CHD1L: variants seen among roughly 807,000 people sequenced by gnomAD.
CHD1L encodes the protein ATP-dependent chromatin remodeler CHD1L.
CHD1L carries 118 observed loss-of-function variants against 115.9 expected under a neutral mutation model. The ratio of observed to expected loss-of-function variants is 1.02; its 90% CI spans 0.88 to 1.19. The LOEUF (loss-of-function observed/expected upper bound fraction) is 1.19. Among genes scored for constraint, CHD1L ranks in the 50% most tolerant of loss-of-function variants. The probability of loss-of-function intolerance (pLI) is 0.00; values close to 1 mark genes in which losing one functional copy is unlikely to be tolerated. For missense variants in CHD1L, 1,179 were observed against 1,065.3 expected, an observed-to-expected ratio of 1.11 and a Z score of -1.49; for synonymous variants, 411 against 387.1, an observed-to-expected ratio of 1.06 and a Z score of -0.72.
chr1:147,285,976 C>T (rs1485554629), intron 17 of CHD1L, among the ~76,000 whole-genome samples: 2 of 152,094 alleles, frequency 1.3e-5, no homozygotes, highest in African/African-American at 4.8e-5. Flanking sequence ...GGATTACAGG[C>T]GTGAGCTACC....
the CHD1L span, among the ~76,000 whole-genome samples, chr1:147,234,885 T>A: frequency 2.7e-4 from 41 of 152,316 alleles, no homozygotes; most frequent in African/African-American, 9.9e-4. Context: ...AGCTTCAACT[T>A]ATATACTAGG....
In CHD1L at chr1:147,293,730, C is replaced by T. The variant is rs1686486800; in HGVS notation, c.2506+8C>T. 1.2e-6 allele frequency: 2 copies of T among 1,600,088 alleles called. No homozygotes were observed. Among genetic ancestry groups the T allele is most frequent in the African/African-American group, 1.3e-5 (1 of 74,700 alleles). On this transcript the variant is annotated splice_region_variant and intron_variant, in intron 21 of 22. Coordinates refer to ENST00000369258, the MANE Select transcript of CHD1L (RefSeq NM_004284.6). ...CAGCAAAAAAGAAGAAAGGTAAGCT[C>T]TTCCACCTGTGCTCAAGAGTAGATG... is the stretch of plus-strand genomic sequence containing the variant.
chr1:147,252,402 T>C lies in CHD1L; in HGVS notation c.128-221T>C, dbSNP rs587594908. Among the ~76,000 whole-genome samples, 9 of 152,340 alleles carry C rather than the reference T, an allele frequency of 5.9e-5. No homozygotes were observed. The South Asian group carries it at 1.7e-3, about 28-fold the overall frequency. On this transcript the variant is annotated intron_variant, in intron 1 of 22. Coordinates refer to ENST00000369258, the MANE Select transcript of CHD1L (RefSeq NM_004284.6). ...AGTGAATCAGGTAACAATGACAGGC[T>C]ACTTTGGGGCTTTGAATATAAAGGT...
intron 1 of CHD1L, 48 bp from the exon 2 acceptor site, chr1:147,252,575 T>C (rs782759050): frequency 7.1e-7 from 1 of 1,404,366 alleles, no homozygotes; most frequent in Non-Finnish European, 1.0e-6. Flanking sequence ...TGCCTCTGCA[T>C]GTACTGAAAT....
At chr1:147,217,689 CTCT>C in the CHD1L span, among the ~76,000 whole-genome samples, 2 of 152,192 alleles carry the variant, frequency 1.3e-5, no homozygotes, top group African/African-American at 2.4e-5. Context: ...CCTTTGAAGT[CTCT>C]TCTTCTAATC....
intron 19 of CHD1L, among the ~76,000 whole-genome samples, chr1:147,290,715 G>A (rs903794028): frequency 5.3e-5 from 8 of 151,976 alleles, no homozygotes; most frequent in South Asian, 4.1e-4. Context: ...GTGCACTGGC[G>A]TGATCATAGC....
chr1:147,251,035 C>G (rs1668250475), intron 1 of CHD1L, among the ~76,000 whole-genome samples: 1 of 152,206 alleles, frequency 6.6e-6, no homozygotes, highest in African/African-American at 2.4e-5. Flanking sequence ...GACTTTGCCC[C>G]TCATTTGCCT....
At chr1:147,226,844 T>TTC in the CHD1L span, among the ~76,000 whole-genome samples, 1 of 151,754 alleles carries the variant, frequency 6.6e-6, no homozygotes, top group African/African-American at 2.4e-5. Flanking sequence ...CGAACTTTTT[T>TTC]TTTTTTGAAA....
At chr1:147,253,065 A>G (rs1203405149) in intron 2 of CHD1L, among the ~76,000 whole-genome samples, 2 of 152,290 alleles carry the variant, frequency 1.3e-5, no homozygotes, top group East Asian at 1.9e-4. Context: ...TTTTGCATCT[A>G]TGTTCATGAA....
chr1:147,273,793 CAA>C (rs2102705816), intron 12 of CHD1L, among the ~76,000 whole-genome samples: 1 of 152,320 alleles, frequency 6.6e-6, no homozygotes, highest in Non-Finnish European at 1.5e-5. Flanking sequence ...TAGTCTTCTC[CAA>C]ACACTGTTGT....
chr1:147,249,307 TTAAG>T (rs1667611223), intron 1 of CHD1L, among the ~76,000 whole-genome samples: 1 of 152,074 alleles, frequency 6.6e-6, no homozygotes, highest in African/African-American at 2.4e-5. Flanking sequence ...TTTTTCCTCT[TTAAG>T]TAAGGTGTTG....
Position 147,275,440 on chromosome 1 carries a change from G to T in CHD1L, c.1357G>T (p.Ala453Ser). 1 of 1,614,092 alleles carries T rather than the reference G, an allele frequency of 6.2e-7. No individual in the cohort carries two copies. Among genetic ancestry groups the T allele is most frequent in the South Asian group, 1.1e-5 (1 of 91,086 alleles). The change falls in exon 13 of 23, where the codon GCC (alanine) becomes TCC (serine). Residue 453 changes from alanine (A) to serine (S), a missense_variant. By Grantham distance (99) the Ala-to-Ser change is moderately conservative (BLOSUM62 1). Coordinates refer to ENST00000369258, the MANE Select transcript of CHD1L (RefSeq NM_004284.6). The part of the protein sequence containing the change: ...FNPQNDLQAA[A>S]RAHRIGQNKS... ...TCCTCAGAATGACTTGCAAGCAGCT[G>T]CCAGGGCTCATCGCATTGGCCAAAA...
At chr1:147,173,870 T>G in the CHD1L span, among the ~76,000 whole-genome samples, 1 of 152,244 alleles carries the variant, frequency 6.6e-6, no homozygotes, top group Non-Finnish European at 1.5e-5. Context: ...TTTCATATTC[T>G]GCATGTACCT....
intron 4 of CHD1L, 47 bp downstream of exon 4, chr1:147,255,974 A>C: frequency 1.5e-6 from 2 of 1,300,864 alleles, no homozygotes; most frequent in Non-Finnish European, 2.2e-6. Flanking sequence ...CTGTGACCTT[A>C]GAAGTTGTAG....
At chr1:147,267,610 T>TA in intron 9 of CHD1L, 92 bp downstream of exon 9, 1 of 862,978 alleles carries the variant, frequency 1.2e-6, no homozygotes, top group Non-Finnish European at 1.8e-6. Flanking sequence ...TGCATATACT[T>TA]ACTTTGTCTA....
the CHD1L span, among the ~76,000 whole-genome samples, chr1:147,236,043 G>A: frequency 2.0e-5 from 3 of 152,172 alleles, no homozygotes; most frequent in Non-Finnish European, 4.4e-5. Context: ...GAGCAAATAT[G>A]AGGTCCAGCC....
At chr1:147,287,608 A>G (rs1205112504) in intron 18 of CHD1L, 27 bp from the exon 19 acceptor site, 17 of 1,575,760 alleles carry the variant, frequency 1.1e-5, no homozygotes, top group East Asian at 2.2e-5. Context: ...CCTCCTATAG[A>G]TGAAAATTTT....
chr1:147,275,330 C>A, intron 12 of CHD1L, 24 bp from the exon 13 acceptor site: 1 of 1,555,588 alleles, frequency 6.4e-7, no homozygotes, highest in Non-Finnish European at 8.9e-7. Flanking sequence ...CTGCTGATTA[C>A]ATTCCTTTTT....
At chr1:147,220,716 A>G in the CHD1L span, among the ~76,000 whole-genome samples, 16 of 152,264 alleles carry the variant, frequency 1.1e-4, no homozygotes, top group African/African-American at 3.4e-4. Flanking sequence ...ATATATGGCA[A>G]AAGGAAGGGA....
Sources: allele counts gnomAD v4.1 joint callset (sites outside exome capture counted in the v4.1 genomes callset), GRCh38; gene constraint gnomAD v4.1.1; transcripts MANE v1.5; gene names NCBI Gene and HGNC (gene_info 2026-07-23, HGNC 2026-07-21).